Variants in LRRC7 observed in about 807,000 individuals in gnomAD.
LRRC7 encodes leucine rich repeat containing 7.
A neutral mutation model predicts 175.7 loss-of-function variants in LRRC7; 23 were observed. The observed-to-expected ratio is 0.13, with a 90% CI of 0.09 to 0.19. LRRC7 has a LOEUF of 0.19. Among genes scored for constraint, LRRC7 ranks in the 10% least tolerant of loss-of-function variants. LRRC7 has a pLI of 1.00. For missense variants in LRRC7, 1,354 were observed against 1,904.7 expected, an observed-to-expected ratio of 0.71 and a Z score of 5.38; for synonymous variants, 685 against 680.9, an observed-to-expected ratio of 1.01 and a Z score of -0.09.
At chr1:70,117,565 A>C (rs372404819) in intron 26 of LRRC7, among the ~76,000 whole-genome samples, 7 of 152,330 alleles carry the variant, frequency 4.6e-5, no homozygotes, top group African/African-American at 1.4e-4. Context: ...GGCACAGAAG[A>C]TATCAAATAA....
chr1:69,635,853 A>T (rs935413763), intron 1 of LRRC7, among the ~76,000 whole-genome samples: 1 of 152,018 alleles, frequency 6.6e-6, no homozygotes, highest in African/African-American at 2.4e-5. Context: ...TAGTATGTCA[A>T]TATTAATGGC....
chr1:69,587,963 G>A (rs368620708), intron 1 of LRRC7, among the ~76,000 whole-genome samples: 2 of 152,100 alleles, frequency 1.3e-5, no homozygotes, highest in East Asian at 1.9e-4. Context: ...CTTCCTATGT[G>A]CATTTGATAT....
At chr1:69,881,960 TAAG>T (rs1251089312) in intron 7 of LRRC7, among the ~76,000 whole-genome samples, 3 of 127,410 alleles carry the variant, frequency 2.4e-5, no homozygotes, top group Non-Finnish European at 3.3e-5. Context: ...ATATATCTAA[TAAG>T]AAGTTAATAT....
chr1:70,111,464 A>G (rs1665522813), intron 26 of LRRC7, among the ~76,000 whole-genome samples: 1 of 152,202 alleles, frequency 6.6e-6, no homozygotes, highest in Admixed American at 6.5e-5. Flanking sequence ...ATATAACAGT[A>G]AGAGAAAAAA....
chr1:70,076,053 C>A (rs1000008735), intron 23 of LRRC7, 24 bp from the exon 24 acceptor site: 3 of 1,610,680 alleles, frequency 1.9e-6, no homozygotes, highest in Non-Finnish European at 2.5e-6. Flanking sequence ...TGAATCTTTG[C>A]CTGACAGATT....
rs1666408999 is a variant in LRRC7, at chr1:70,125,606, A to C, written c.*3719A>C. On this transcript the variant is annotated 3_prime_UTR_variant, in exon 27 of 27. Transcript: ENST00000651989. Reference sequence around the variant, plus strand: ...AGGAGATCGAGACCATCCCAGCTAAAACGGTGAAACCCCGTCTCTACTAAA... The same window carrying C: ...AGGAGATCGAGACCATCCCAGCTAACACGGTGAAACCCCGTCTCTACTAAA... 6.6e-6 allele frequency among the ~76,000 whole-genome samples: 1 copy of C among 151,592 alleles called. No individual in the cohort carries two copies. Among genetic ancestry groups the C allele is most frequent in the South Asian group, 2.1e-4 (1 of 4,788 alleles).
intron 4 of LRRC7, among the ~76,000 whole-genome samples, chr1:69,811,978 C>A (rs1488374153): frequency 6.6e-6 from 1 of 152,004 alleles, no homozygotes; most frequent in East Asian, 1.9e-4. Context: ...TGCTTCGCCT[C>A]AGTAAATGAT....
intron 26 of LRRC7, among the ~76,000 whole-genome samples, chr1:70,108,997 C>CTGT (rs564914241): frequency 1.0e-3 from 154 of 151,054 alleles, no homozygotes; most frequent in African/African-American, 3.7e-3. Flanking sequence ...GTGTTTTGTT[C>CTGT]TGTTGTTGTT....
At chr1:69,960,329 C>G (rs1033954287) in intron 8 of LRRC7, among the ~76,000 whole-genome samples, 4 of 151,464 alleles carry the variant, frequency 2.6e-5, no homozygotes, top group Non-Finnish European at 5.9e-5. Context: ...GTGGTAATAC[C>G]CCCCCTTATA....
At chr1:70,028,082 A>T (rs1658316223) in intron 17 of LRRC7, 89 bp from the exon 18 acceptor site, 3 of 1,124,024 alleles carry the variant, frequency 2.7e-6, no homozygotes, top group Non-Finnish European at 3.9e-6. Flanking sequence ...ATTGCATTTG[A>T]TTATACTACT....
At chr1:69,909,765 C>T (rs902505676) in intron 7 of LRRC7, among the ~76,000 whole-genome samples, 13 of 151,910 alleles carry the variant, frequency 8.6e-5, no homozygotes, top group African/African-American at 2.2e-4. Context: ...TTGCTCTTCT[C>T]GGGGAGTATC....
intron 26 of LRRC7, among the ~76,000 whole-genome samples, chr1:70,114,248 G>A (rs1024118453): frequency 1.3e-5 from 2 of 152,074 alleles, no homozygotes; most frequent in Admixed American, 6.5e-5. Flanking sequence ...TGAGGGTGGG[G>A]GACTATGGAG....
At chr1:70,102,912 G>C (rs900064164) in intron 25 of LRRC7, among the ~76,000 whole-genome samples, 4 of 152,010 alleles carry the variant, frequency 2.6e-5, no homozygotes, top group African/African-American at 9.7e-5. Flanking sequence ...GCACAGTGTG[G>C]TAGACAGAAA....
At chr1:69,927,369 G>A (rs1647114913) in intron 7 of LRRC7, among the ~76,000 whole-genome samples, 1 of 152,194 alleles carries the variant, frequency 6.6e-6, no homozygotes, top group East Asian at 1.9e-4. Context: ...TGCTAGATTG[G>A]GGAAGTTCTC....
chr1:69,726,893 T>G (rs568462936), intron 2 of LRRC7, among the ~76,000 whole-genome samples: 1 of 152,298 alleles, frequency 6.6e-6, no homozygotes, highest in South Asian at 2.1e-4. Context: ...GCAGGAGAAC[T>G]TTATAACCAT....
chr1:69,717,806 G>GAAAGAAAGAAAGAAAGAAAGAAATAAAT (rs1557640737), intron 2 of LRRC7, among the ~76,000 whole-genome samples: 1 of 21,714 alleles, frequency 4.6e-5, no homozygotes, highest in African/African-American at 2.9e-4. Flanking sequence ...AAGAAAGAAA[G>GAAAGAAAGAAAGAAAGAAAGAAATAAAT]AAAGAAAGAA....
intron 8 of LRRC7, among the ~76,000 whole-genome samples, chr1:69,962,359 G>A (rs144230727): frequency 2.0e-5 from 3 of 152,162 alleles, no homozygotes; most frequent in African/African-American, 7.2e-5. Flanking sequence ...TGGAGAAAAA[G>A]GATCACTTAT....
chr1:69,743,418 A>G (rs1403965755), intron 2 of LRRC7, among the ~76,000 whole-genome samples: 1 of 152,054 alleles, frequency 6.6e-6, no homozygotes, highest in African/African-American at 2.4e-5. Context: ...AAAGCACGGA[A>G]GAATGCAAAG....
At chr1:69,826,150 T>C (rs913060505) in intron 5 of LRRC7, among the ~76,000 whole-genome samples, 2 of 152,136 alleles carry the variant, frequency 1.3e-5, no homozygotes, top group African/African-American at 4.8e-5. Context: ...GGTGGAAAAC[T>C]AGCATCAAGG....
Sources: allele counts gnomAD v4.1 joint callset (sites outside exome capture counted in the v4.1 genomes callset), GRCh38; gene constraint gnomAD v4.1.1; transcripts MANE v1.5; gene names NCBI Gene and HGNC (gene_info 2026-07-23, HGNC 2026-07-21).